SLCO5A1: variants seen among roughly 807,000 people sequenced by gnomAD.
SLCO5A1 encodes organic anion transporter polypeptide-related protein 4.
In SLCO5A1, 39 loss-of-function variants were observed where a neutral mutation model predicts 65.1. The ratio of observed to expected loss-of-function variants is 0.60; its 90% CI spans 0.46 to 0.78. SLCO5A1 has a LOEUF of 0.78. Among genes scored for constraint, SLCO5A1 ranks in the 30% least tolerant of loss-of-function variants. The pLI is 0.00. For missense variants in SLCO5A1, 1,029 were observed against 1,069.4 expected (o/e 0.96, Z 0.53); for synonymous variants, 438 against 415.7 (o/e 1.05, Z -0.65).
intron 6 of SLCO5A1, among the ~76,000 whole-genome samples, chr8:69,692,548 T>C (rs1814313465): frequency 1.3e-5 from 2 of 152,266 alleles, no homozygotes; most frequent in Admixed American, 6.5e-5. Flanking sequence ...TTTGACTCTT[T>C]TGTAATAGCA....
At chr8:69,817,257 G>A (rs1315970748) in intron 2 of SLCO5A1, among the ~76,000 whole-genome samples, 1 of 151,898 alleles carries the variant, frequency 6.6e-6, no homozygotes, top group Non-Finnish European at 1.5e-5. Context: ...TTGTCTTTTT[G>A]CCACTAGCTT....
chr8:69,804,950 A>C (rs1819926241), intron 2 of SLCO5A1, among the ~76,000 whole-genome samples: 1 of 152,196 alleles, frequency 6.6e-6, no homozygotes, highest in African/African-American at 2.4e-5. Flanking sequence ...GGTGAGCTCT[A>C]ACAACTCCCT....
At chr8:69,793,358 CA>C (rs926153071) in intron 2 of SLCO5A1, among the ~76,000 whole-genome samples, 35 of 148,618 alleles carry the variant, frequency 2.4e-4, no homozygotes, top group African/African-American at 2.7e-4. Context: ...AATTTGGTAT[CA>C]AAAAAAAAAT....
intron 6 of SLCO5A1, among the ~76,000 whole-genome samples, chr8:69,697,874 C>T (rs1814566699): frequency 6.6e-6 from 1 of 151,832 alleles, no homozygotes; most frequent in African/African-American, 2.4e-5. Flanking sequence ...TTTTTTTAAA[C>T]TTATTTTAGG....
chr8:69,790,666 G>GAAT (rs1401038594), intron 2 of SLCO5A1, among the ~76,000 whole-genome samples: 1 of 151,918 alleles, frequency 6.6e-6, no homozygotes, highest in Non-Finnish European at 1.5e-5. Flanking sequence ...TAAAAAAAAA[G>GAAT]AATAATAATT....
At chr8:69,720,752 G>A (rs1815781747) in intron 5 of SLCO5A1, among the ~76,000 whole-genome samples, 1 of 152,206 alleles carries the variant, frequency 6.6e-6, no homozygotes, top group Admixed American at 6.5e-5. Flanking sequence ...AAGGGCGCTA[G>A]AGCAGAGATT....
Position 69,722,209 on chromosome 8 carries a change from G to C in SLCO5A1, c.1423+15831C>G, listed in dbSNP as rs147497685. Among the ~76,000 whole-genome samples the C allele has an allele frequency of 3.9e-3, 591 of 152,124 alleles. 3 individuals carry two copies. The highest frequency in any genetic ancestry group is 6.5e-3 in the Non-Finnish European group (440 of 67,964). On this transcript the variant is annotated intron_variant, in intron 5 of 9. Transcript: ENST00000260126. ...AAATAAATAAAATAAAATAATAAATGCGTTTATGTTAGAGTGAGCTGACTT... is the reference window on the plus strand; with the variant it reads ...AAATAAATAAAATAAAATAATAAATCCGTTTATGTTAGAGTGAGCTGACTT...
chr8:69,705,778 T>C (rs1307746819), intron 5 of SLCO5A1, among the ~76,000 whole-genome samples: 2 of 152,184 alleles, frequency 1.3e-5, no homozygotes, highest in Admixed American at 1.3e-4. Flanking sequence ...TTTGTGAAAA[T>C]TGTAAAGTCT....
intron 2 of SLCO5A1, among the ~76,000 whole-genome samples, chr8:69,792,106 C>T (rs1819294566): frequency 2.0e-5 from 3 of 152,098 alleles, no homozygotes; most frequent in Admixed American, 6.5e-5. Flanking sequence ...TGTAAGCACC[C>T]TTAGAAATAC....
intron 5 of SLCO5A1, among the ~76,000 whole-genome samples, chr8:69,712,542 C>T (rs1408912033): frequency 6.6e-6 from 1 of 152,146 alleles, no homozygotes; most frequent in East Asian, 1.9e-4. Flanking sequence ...CAAAATTAGG[C>T]AACCCATTCA....
In SLCO5A1 at chr8:69,671,142, C is replaced by T. The variant is rs1307137197; in HGVS notation, c.*1727G>A. 1 of 152,182 alleles carries T rather than the reference C, an allele frequency of 6.6e-6. No individual in the cohort carries two copies. The highest frequency in any genetic ancestry group is 1.5e-5 in the Non-Finnish European group (1 of 68,052). The allele number at this position is 152,182 out of a possible 1,614,324, so 9.4% of individuals were successfully genotyped here. A position where few individuals can be genotyped will look rare whatever the true frequency, so the allele number is the denominator to read the frequency against. Reference sequence around the variant, plus strand: ...GACCACTAGCTCCACCCCTTGTAGACATTGTTCAGTCTAACAGTGTTAACA... The same window carrying T: ...GACCACTAGCTCCACCCCTTGTAGATATTGTTCAGTCTAACAGTGTTAACA... On this transcript the variant is annotated 3_prime_UTR_variant, in exon 10 of 10. Transcript: ENST00000260126.
intron 2 of SLCO5A1, among the ~76,000 whole-genome samples, chr8:69,795,534 T>C (rs1383158334): frequency 6.6e-6 from 1 of 152,204 alleles, no homozygotes; most frequent in Non-Finnish European, 1.5e-5. Flanking sequence ...AGGGGTGGGC[T>C]CCCAAGGCCT....
intron 6 of SLCO5A1, among the ~76,000 whole-genome samples, chr8:69,683,181 C>T (rs1217344970): frequency 6.6e-6 from 1 of 152,110 alleles, no homozygotes; most frequent in Non-Finnish European, 1.5e-5. Context: ...CAGAGGAGCA[C>T]CTGGGGGATC....
At chr8:69,741,952 T>C (rs932220411) in intron 4 of SLCO5A1, among the ~76,000 whole-genome samples, 1 of 152,190 alleles carries the variant, frequency 6.6e-6, no homozygotes, top group African/African-American at 2.4e-5. Flanking sequence ...ATGGGCATTA[T>C]TGGGATAATC....
chr8:69,732,760 A>C (rs989657570), intron 5 of SLCO5A1, among the ~76,000 whole-genome samples: 4 of 152,028 alleles, frequency 2.6e-5, no homozygotes, highest in Non-Finnish European at 5.9e-5. Flanking sequence ...ATGGTGGCGC[A>C]TGCCTGTAGT....
At chr8:69,760,273 T>G (rs992213968) in intron 3 of SLCO5A1, among the ~76,000 whole-genome samples, 1 of 152,206 alleles carries the variant, frequency 6.6e-6, no homozygotes, top group African/African-American at 2.4e-5. Context: ...GTCAAGAACT[T>G]AAAACTCCTG....
intron 2 of SLCO5A1, among the ~76,000 whole-genome samples, chr8:69,785,096 C>T (rs561046613): frequency 3.6e-4 from 55 of 150,774 alleles, no homozygotes; most frequent in Non-Finnish European, 6.5e-4. Context: ...GAGGGAAGGA[C>T]GGAGAGAGAG....
At chr8:69,735,714 T>C (rs1816524319) in intron 5 of SLCO5A1, among the ~76,000 whole-genome samples, 1 of 149,098 alleles carries the variant, frequency 6.7e-6, no homozygotes, top group Non-Finnish European at 1.5e-5. Flanking sequence ...AGCTAATGCA[T>C]GTGGGGCTTA....
intron 6 of SLCO5A1, among the ~76,000 whole-genome samples, chr8:69,699,164 T>G (rs1258044212): frequency 1.3e-5 from 2 of 152,238 alleles, no homozygotes; most frequent in Non-Finnish European, 2.9e-5. Flanking sequence ...ATCCCTTCTC[T>G]ACTTAGGTAA....
Sources: allele counts gnomAD v4.1 joint callset (sites outside exome capture counted in the v4.1 genomes callset), GRCh38; gene constraint gnomAD v4.1.1; transcripts MANE v1.5; gene names NCBI Gene and HGNC (gene_info 2026-07-23, HGNC 2026-07-21).